ZNF385D: variants seen among roughly 807,000 people sequenced by gnomAD.
The protein encoded by ZNF385D is zinc finger protein 385D.
Under a neutral mutation model 35.8 loss-of-function variants are expected in ZNF385D, and 15 were observed. The observed-to-expected ratio is 0.42, with a 90% CI of 0.28 to 0.64. The LOEUF (loss-of-function observed/expected upper bound fraction) is 0.64. Among genes scored for constraint, ZNF385D ranks in the 30% least tolerant of loss-of-function variants. ZNF385D has a pLI of 0.23. For synonymous variants in ZNF385D, 212 were observed against 186.8 expected, an observed-to-expected ratio of 1.13 and a Z score of -1.10; for missense variants, 474 against 494.6, an observed-to-expected ratio of 0.96 and a Z score of 0.39.
intron 3 of ZNF385D, among the ~76,000 whole-genome samples, chr3:21,918,535 T>C (rs1700303888): frequency 6.6e-6 from 1 of 152,210 alleles, no homozygotes; most frequent in Non-Finnish European, 1.5e-5. Context: ...AATTGGATTA[T>C]ATGTGAAATG....
In ZNF385D at chr3:21,525,933, AT is replaced by A. The variant is rs543249818; in HGVS notation, c.277-14911del. ...CTTTCATTTCCTAAACCAGCAAGTG[AT>A]TTTTTTTCCCCTTGGGCATATATTA... On this transcript the variant is annotated intron_variant, in intron 3 of 7. Coordinates refer to ENST00000281523, the MANE Select transcript of ZNF385D (RefSeq NM_024697.3). Among the ~76,000 whole-genome samples the A allele has an allele frequency of 7.2e-5, 11 of 151,892 alleles. No homozygotes were observed. The South Asian group carries it at 1.7e-3, about 23-fold the overall frequency.
intron 1 of ZNF385D, among the ~76,000 whole-genome samples, chr3:21,735,499 G>A (rs926527173): frequency 6.6e-6 from 1 of 152,146 alleles, no homozygotes; most frequent in Non-Finnish European, 1.5e-5. Flanking sequence ...TGTCAGATGT[G>A]ATTCCAAGGT....
At chr3:21,737,602 GA>G (rs1193176361) in intron 1 of ZNF385D, among the ~76,000 whole-genome samples, 2 of 152,052 alleles carry the variant, frequency 1.3e-5, no homozygotes, top group Non-Finnish European at 2.9e-5. Context: ...TGGTGGGGGG[GA>G]TTTAGTTTTC....
chr3:22,272,752 A>C (rs1205808434), intron 2 of ZNF385D, among the ~76,000 whole-genome samples: 1 of 151,980 alleles, frequency 6.6e-6, no homozygotes, highest in African/African-American at 2.4e-5. Flanking sequence ...TGTATCCCTT[A>C]TTTGGCTTTG....
At chr3:22,168,674 A>T (rs1706492285) in intron 3 of ZNF385D, 4 of 374,448 alleles carry the variant, frequency 1.1e-5, no homozygotes, top group Admixed American at 6.4e-5. Context: ...GATGTATTTT[A>T]ATGTACTCTG....
chr3:22,037,339 G>C (rs1293664200), intron 3 of ZNF385D, among the ~76,000 whole-genome samples: 3 of 149,836 alleles, frequency 2.0e-5, no homozygotes, highest in East Asian at 2.0e-4. Context: ...CAGTGTAAAA[G>C]TGTTCCTATT....
At chr3:22,339,798 G>T (rs1286593979) in intron 2 of ZNF385D, among the ~76,000 whole-genome samples, 1 of 152,070 alleles carries the variant, frequency 6.6e-6, no homozygotes, top group Non-Finnish European at 1.5e-5. Flanking sequence ...CCTCTTAAAT[G>T]CCAAGTCTAC....
At chr3:22,176,639 T>C (rs554805605) in intron 2 of ZNF385D, among the ~76,000 whole-genome samples, 13 of 152,302 alleles carry the variant, frequency 8.5e-5, no homozygotes, top group Admixed American at 3.3e-4. Flanking sequence ...CAGAATGAGA[T>C]ACAGAATGGA....
rs373219259 is a variant in ZNF385D, at chr3:21,837,854, G to C, written c.326-172826C>G. ...ACCACTGCATTCCAGCCTGGTAACAGTGTGAGACTCCATCTCAAAAAAAAA... is the reference window on the plus strand; with the variant it reads ...ACCACTGCATTCCAGCCTGGTAACACTGTGAGACTCCATCTCAAAAAAAAA... On this transcript the variant is annotated intron_variant, in intron 3 of 5. Coordinates refer to the ZNF385D transcript ENST00000494108. 1.4e-4 allele frequency among the ~76,000 whole-genome samples: 19 copies of C among 133,442 alleles called. No individual in the cohort carries two copies. The South Asian group carries it at 5.1e-3, about 36-fold the overall frequency. 87.5% of individuals were successfully genotyped at this position (133,442 alleles called of 152,430 possible).
intron 2 of ZNF385D, among the ~76,000 whole-genome samples, chr3:22,346,367 G>A (rs1048808295): frequency 3.3e-5 from 5 of 152,054 alleles, no homozygotes; most frequent in African/African-American, 1.2e-4. Context: ...CACTGTACTG[G>A]GATATCTTCC....
intron 2 of ZNF385D, among the ~76,000 whole-genome samples, chr3:21,620,067 A>T (rs73137099): frequency 2.8e-4 from 42 of 152,268 alleles, no homozygotes; most frequent in African/African-American, 9.1e-4. Flanking sequence ...CTGGACTAAA[A>T]GCCTGTAAGA....
chr3:22,209,715 G>A (rs1359515610), intron 2 of ZNF385D, among the ~76,000 whole-genome samples: 1 of 151,314 alleles, frequency 6.6e-6, no homozygotes, highest in African/African-American at 2.4e-5. Flanking sequence ...ACATCCTTTA[G>A]GTACACTCAT....
At chr3:22,030,296 T>TCCTATACAA (rs1485385805) in intron 3 of ZNF385D, among the ~76,000 whole-genome samples, 2 of 100,198 alleles carry the variant, frequency 2.0e-5, no homozygotes, top group African/African-American at 4.2e-5. Context: ...TATATATATA[T>TCCTATACAA]ATATATCCTA....
chr3:22,089,044 T>C lies in ZNF385D; in HGVS notation c.325+79773A>G, dbSNP rs145074270. Among the ~76,000 whole-genome samples the C allele has an allele frequency of 3.0e-4, 45 of 152,276 alleles. No homozygotes were observed. The East Asian group carries it at 8.5e-3, about 29-fold the overall frequency. On this transcript the variant is annotated intron_variant, in intron 3 of 5. Coordinates refer to the ZNF385D transcript ENST00000494108. ...TCCCTTACCCAGGAGGTAGGGATCA[T>C]AAGAAAAATCAAATAAGCAAAAATA... is the stretch of plus-strand genomic sequence containing the variant.
rs1306671029 is a variant in ZNF385D, at chr3:21,414,835, AT to A, written c.*6378del. 6.6e-6 allele frequency: 1 copy of A among 152,078 alleles called. No individual in the cohort carries two copies. The highest frequency in any genetic ancestry group is 2.4e-5 in the African/African-American group (1 of 41,412). 9.4% of individuals were successfully genotyped at this position (152,078 alleles called of 1,614,324 possible). ...TAAAAACCAGATGCCATAAAATGGA[AT>A]TTTTCTTGACTATTTGATAAAAGTT... On this transcript the variant is annotated 3_prime_UTR_variant, in exon 8 of 8. Transcript: ENST00000281523.
intron 3 of ZNF385D, among the ~76,000 whole-genome samples, chr3:21,552,727 A>G (rs889078776): frequency 6.6e-6 from 1 of 152,246 alleles, no homozygotes; most frequent in African/African-American, 2.4e-5. Context: ...TAAGTCAAAC[A>G]TTCAAATAAA....
At chr3:22,153,708 C>G (rs1705411255) in intron 3 of ZNF385D, among the ~76,000 whole-genome samples, 1 of 152,058 alleles carries the variant, frequency 6.6e-6, no homozygotes, top group African/African-American at 2.4e-5. Context: ...AAGTGATCCA[C>G]CCACCTCGGC....
intron 2 of ZNF385D, among the ~76,000 whole-genome samples, chr3:22,336,132 T>C (rs368828841): frequency 1.3e-5 from 2 of 152,274 alleles, no homozygotes; most frequent in South Asian, 4.1e-4. Context: ...ACCCAGTTTG[T>C]TTTATTATTG....
intron 4 of ZNF385D, among the ~76,000 whole-genome samples, chr3:21,505,732 C>G (rs1706725845): frequency 6.6e-6 from 1 of 152,122 alleles, no homozygotes; most frequent in African/African-American, 2.4e-5. Context: ...ATGTAAGTGC[C>G]TTCATGTCCC....
Sources: allele counts gnomAD v4.1 joint callset (sites outside exome capture counted in the v4.1 genomes callset), GRCh38; gene constraint gnomAD v4.1.1; transcripts MANE v1.5; gene names NCBI Gene and HGNC (gene_info 2026-07-23, HGNC 2026-07-21).